The following GRIA3 variants were observed in gnomAD, a reference collection of about 807,000 sequenced individuals.
The protein encoded by GRIA3 is glutamate ionotropic receptor AMPA type subunit 3, also known as glutamate receptor 3.
Under a neutral mutation model 63.0 loss-of-function variants are expected in GRIA3, and 3 were observed. The ratio of observed to expected loss-of-function variants is 0.05; its 90% CI spans 0.02 to 0.12. The LOEUF (loss-of-function observed/expected upper bound fraction) is 0.12. Among genes scored for constraint, GRIA3 ranks in the 10% least tolerant of loss-of-function variants. The pLI, the probability that GRIA3 is intolerant of heterozygous loss-of-function variation, is 1.00. For synonymous variants in GRIA3, 274 were observed against 257.9 expected, an observed-to-expected ratio of 1.06 and a Z score of -0.60; for missense variants, 347 against 700.9, an observed-to-expected ratio of 0.50 and a Z score of 5.70.
chrX:123,380,722 T>C (rs945848296), intron 5 of GRIA3, among the ~76,000 whole-genome samples: 19 of 112,117 alleles, frequency 1.7e-4, no homozygotes, highest in African/African-American at 6.2e-4. Context: ...TCCTTGCCCA[T>C]GCCTATGTCC....
At chrX:123,372,378 GT>G (rs1306597162) in intron 5 of GRIA3, among the ~76,000 whole-genome samples, 1 of 111,705 alleles carries the variant, frequency 9.0e-6, no homozygotes, top group African/African-American at 3.3e-5. Context: ...TTTCATATAA[GT>G]TTTAGGATTG....
intron 5 of GRIA3, among the ~76,000 whole-genome samples, chrX:123,370,463 G>A (rs1338300314): frequency 8.9e-6 from 1 of 111,810 alleles, no homozygotes; most frequent in Non-Finnish European, 1.9e-5. Context: ...CCAAGAGTAA[G>A]CCAACTTCTG....
In GRIA3 at chrX:123,184,580, C is replaced by A; in HGVS notation, c.45C>A (p.Val15=). ...TGGGGCAAAGCGTGCTCCGGGCGGTCTTCTTTTTAGTCCTGGGGCTTTTGG... is the reference window on the plus strand; with the variant it reads ...TGGGGCAAAGCGTGCTCCGGGCGGTATTCTTTTTAGTCCTGGGGCTTTTGG... The part of the protein sequence containing the change: ...KKMGQSVLRA[V]FFLVLGLLGH... The change falls in exon 1 of 16, where the codon GTC becomes GTA. Residue 15 remains valine, a synonymous_variant. Coordinates refer to ENST00000620443, the MANE Select transcript of GRIA3 (RefSeq NM_007325.5). The A allele has an allele frequency of 1.2e-5, 14 of 1,210,321 alleles. No individual in the cohort carries two copies. Among genetic ancestry groups the A allele is most frequent in the Non-Finnish European group, 1.5e-5 (13 of 894,627 alleles).
At chrX:123,331,091 G>T (rs2044938964) in intron 4 of GRIA3, among the ~76,000 whole-genome samples, 1 of 111,590 alleles carries the variant, frequency 9.0e-6, no homozygotes, top group African/African-American at 3.3e-5. Context: ...AAAATTTACA[G>T]ACAAGTCTCA....
At chrX:123,324,078 T>C (rs966721210) in intron 3 of GRIA3, among the ~76,000 whole-genome samples, 2 of 111,594 alleles carry the variant, frequency 1.8e-5, no homozygotes, top group East Asian at 5.6e-4. Flanking sequence ...CTGGGACGTC[T>C]TTAGCCTGAG....
At chrX:123,287,992 A>G (rs1344100212) in intron 3 of GRIA3, among the ~76,000 whole-genome samples, 1 of 112,278 alleles carries the variant, frequency 8.9e-6, no homozygotes, top group Non-Finnish European at 1.9e-5. Flanking sequence ...AGCTGGAGGC[A>G]TCACGCTACC....
At chrX:123,465,229 T>A in intron 13 of GRIA3, 117 bp downstream of exon 13, 1 of 723,004 alleles carries the variant, frequency 1.4e-6, no homozygotes, top group Non-Finnish European at 2.1e-6. Flanking sequence ...GTTTAAAATC[T>A]ACAATATTCC....
chrX:123,235,824 T>TA (rs201918042), intron 2 of GRIA3, among the ~76,000 whole-genome samples: 7,008 of 101,119 alleles, frequency 0.069, 674 homozygotes, highest in African/African-American at 0.24. Flanking sequence ...CCAGATACAT[T>TA]AAAAAAAAAA....
At chrX:123,486,900 T>C (rs2045945007) in intron 15 of GRIA3, among the ~76,000 whole-genome samples, 1 of 112,158 alleles carries the variant, frequency 8.9e-6, no homozygotes, top group Non-Finnish European at 1.9e-5. Context: ...TCAGGAAAAA[T>C]GACTCAGGGC....
intron 10 of GRIA3, among the ~76,000 whole-genome samples, chrX:123,415,118 C>T (rs777249444): frequency 8.9e-6 from 1 of 112,026 alleles, no homozygotes; most frequent in East Asian, 2.8e-4. Context: ...GCCATTCTAA[C>T]TGTGTGAGAT....
chrX:123,191,776 G>C (rs1427505814), intron 2 of GRIA3, among the ~76,000 whole-genome samples: 1 of 110,898 alleles, frequency 9.0e-6, no homozygotes, highest in African/African-American at 3.3e-5. Context: ...CAAGGATGTA[G>C]AGTGCAGTAC....
intron 3 of GRIA3, among the ~76,000 whole-genome samples, chrX:123,293,511 C>G (rs949628276): frequency 1.8e-5 from 2 of 109,844 alleles, no homozygotes; most frequent in African/African-American, 6.6e-5. Flanking sequence ...TTGCCCATAC[C>G]TGATATAAAA....
chrX:123,326,044 C>G lies in GRIA3; in HGVS notation c.527C>G (p.Ala176Gly), dbSNP rs764670975. The part of the protein sequence containing the change: ...DTERGFSILQ[A>G]IMEAAVQNNW... ...CCTTCAGGATTTTCCATCCTCCAAG[C>G]GATTATGGAAGCAGCAGTGCAAAAC... Residue 176 changes from alanine to glycine, a missense_variant, in exon 4 of 16, where the codon GCG becomes GGG. Ala to Gly is a moderately conservative substitution (Grantham distance 60, BLOSUM62 0). Coordinates refer to ENST00000620443, the MANE Select transcript of GRIA3 (RefSeq NM_007325.5). The G allele has an allele frequency of 1.7e-6, 2 of 1,206,421 alleles. No individual in the cohort carries two copies. Among genetic ancestry groups the G allele is most frequent in the Non-Finnish European group, 2.2e-6 (2 of 891,107 alleles).
chrX:123,271,760 G>A (rs1334697109), intron 3 of GRIA3, among the ~76,000 whole-genome samples: 1 of 111,912 alleles, frequency 8.9e-6, no homozygotes, highest in Non-Finnish European at 1.9e-5. Context: ...TTACAGATGA[G>A]GAAGTAGAGG....
chrX:123,482,458 A>C (rs2045916537), intron 14 of GRIA3, among the ~76,000 whole-genome samples: 2 of 111,796 alleles, frequency 1.8e-5, no homozygotes. Context: ...GGTGTTTATC[A>C]AGGCTGGCAG....
chrX:123,406,614 C>G (rs1202067130), intron 10 of GRIA3, among the ~76,000 whole-genome samples: 1 of 111,743 alleles, frequency 8.9e-6, no homozygotes, highest in Non-Finnish European at 1.9e-5. Context: ...GGAGCACCAT[C>G]CTCTAGTCAG....
At chrX:123,365,614 A>AG (rs1034553749) in intron 5 of GRIA3, among the ~76,000 whole-genome samples, 4 of 111,519 alleles carry the variant, frequency 3.6e-5, no homozygotes, top group Non-Finnish European at 7.5e-5. Flanking sequence ...TAAACTGGAG[A>AG]GGGAAAAAAA....
At chrX:123,327,668 T>C (rs1333613822) in intron 4 of GRIA3, among the ~76,000 whole-genome samples, 1 of 111,190 alleles carries the variant, frequency 9.0e-6, no homozygotes. Context: ...GGGAAACTGC[T>C]GACTCTATAT....
At chrX:123,476,746 C>T (rs747422540) in intron 13 of GRIA3, among the ~76,000 whole-genome samples, 2 of 111,072 alleles carry the variant, frequency 1.8e-5, no homozygotes, top group Non-Finnish European at 3.8e-5. Flanking sequence ...CGATCCAAGG[C>T]TAAACTTCTA....
Sources: gnomAD v4.1 joint callset for allele counts (sites outside exome capture counted in the v4.1 genomes callset) on GRCh38, gnomAD v4.1.1 for gene constraint, MANE v1.5 for transcripts, NCBI Gene and HGNC (gene_info 2026-07-23, HGNC 2026-07-21) for gene names.